Variants in CREB5 observed in about 807,000 individuals in gnomAD.
CREB5 encodes cAMP responsive element binding protein 5, also known as cyclic AMP-responsive element-binding protein 5.
In CREB5, 19 loss-of-function variants were observed where a neutral mutation model predicts 57.1. That is an observed-to-expected ratio of 0.33 (90% confidence interval 0.23 to 0.49). The LOEUF (loss-of-function observed/expected upper bound fraction) is 0.49, where lower values mean the gene tolerates loss of function less well. Among genes scored for constraint, CREB5 ranks in the 20% least tolerant of loss-of-function variants. The pLI, the probability that CREB5 is intolerant of heterozygous loss-of-function variation, is 0.99. For synonymous variants in CREB5, 238 were observed against 238.3 expected (o/e 1.00, Z 0.01); for missense variants, 579 against 671.6 (o/e 0.86, Z 1.52).
At chr7:28,753,035 CAT>C (rs1466398767) in intron 7 of CREB5, among the ~76,000 whole-genome samples, 1 of 152,054 alleles carries the variant, frequency 6.6e-6, no homozygotes, top group Non-Finnish European at 1.5e-5. Context: ...ATGCCATACA[CAT>C]GATTCCACTT....
Position 28,804,147 on chromosome 7 carries a change from T to G in CREB5, c.703-52T>G, listed in dbSNP as rs1044049026. On this transcript the variant is annotated intron_variant, in intron 7 of 10. Coordinates refer to ENST00000357727, the MANE Select transcript of CREB5 (RefSeq NM_182898.4). The stretch of plus-strand genomic sequence containing the variant: ...TCATTTTGCTTTTAAATCTCTATCA[T>G]GTACATGACTGACTTCAGTTGTTCT... 3 of 1,544,160 alleles carry G rather than the reference T, an allele frequency of 1.9e-6. No individual in the cohort carries two copies. The East Asian group carries it at 6.8e-5, about 35-fold the overall frequency.
intron 7 of CREB5, among the ~76,000 whole-genome samples, chr7:28,765,446 AGTT>A (rs1233895326): frequency 1.3e-5 from 2 of 152,208 alleles, no homozygotes; most frequent in Non-Finnish European, 2.9e-5. Flanking sequence ...TGAAATATTT[AGTT>A]GTTGTTCTTT....
intron 4 of CREB5, among the ~76,000 whole-genome samples, chr7:28,562,091 A>G (rs1297321013): frequency 2.0e-5 from 3 of 152,222 alleles, no homozygotes; most frequent in African/African-American, 7.2e-5. Flanking sequence ...AATGTCCAAG[A>G]TTTTGGTGGA....
intron 5 of CREB5, among the ~76,000 whole-genome samples, chr7:28,642,965 C>CACACAT (rs70977063): frequency 5.3e-5 from 4 of 75,588 alleles, no homozygotes; most frequent in Non-Finnish European, 8.1e-5. Flanking sequence ...CACACACACA[C>CACACAT]ACACACACAC....
chr7:28,556,641 T>C (rs933688583), intron 4 of CREB5, among the ~76,000 whole-genome samples: 3 of 152,218 alleles, frequency 2.0e-5, no homozygotes, highest in Non-Finnish European at 2.9e-5. Context: ...TAACCTAAGT[T>C]TGATGAACAC....
Position 28,549,159 on chromosome 7 carries a change from G to A in CREB5, c.292-21206G>A, listed in dbSNP as rs1334222001. Among the ~76,000 whole-genome samples, 5 of 152,260 alleles carry A rather than the reference G, an allele frequency of 3.3e-5. No individual in the cohort carries two copies. In the East Asian group the frequency reaches 7.7e-4, roughly 23 times the overall value. On this transcript the variant is annotated intron_variant, in intron 4 of 10. Transcript: ENST00000357727. ...CATTCCACATTTATTTTTGCATGAT[G>A]TTGGCTTTTAACAGCAATTGCCAAA...
chr7:28,330,719 T>A (rs1785700409), intron 1 of CREB5, among the ~76,000 whole-genome samples: 1 of 152,124 alleles, frequency 6.6e-6, no homozygotes. Context: ...TTCTTGTATT[T>A]TCCTTCGTGG....
intron 5 of CREB5, among the ~76,000 whole-genome samples, chr7:28,620,161 C>T (rs950004326): frequency 3.3e-5 from 5 of 152,058 alleles, no homozygotes; most frequent in East Asian, 1.9e-4. Context: ...TTTTTGCAGT[C>T]GTCTCATAGA....
intron 1 of CREB5, among the ~76,000 whole-genome samples, chr7:28,480,392 A>T (rs1583516593): frequency 6.6e-6 from 1 of 152,154 alleles, no homozygotes; most frequent in South Asian, 2.1e-4. Flanking sequence ...TTCTCTCAGG[A>T]GTTCATGGGG....
chr7:28,682,567 A>G (rs951378115), intron 5 of CREB5, among the ~76,000 whole-genome samples: 1 of 152,210 alleles, frequency 6.6e-6, no homozygotes, highest in Admixed American at 6.5e-5. Flanking sequence ...CTCTGAAATT[A>G]TCTGGCCCCT....
At chr7:28,567,754 G>A (rs867985861) in intron 4 of CREB5, among the ~76,000 whole-genome samples, 4 of 152,312 alleles carry the variant, frequency 2.6e-5, no homozygotes, top group Middle Eastern at 3.4e-3. Flanking sequence ...CTGGAATGCA[G>A]CATGGTTAGT....
At chr7:28,399,803 C>G (rs1489802434) in intron 1 of CREB5, among the ~76,000 whole-genome samples, 1 of 152,126 alleles carries the variant, frequency 6.6e-6, no homozygotes, top group Non-Finnish European at 1.5e-5. Context: ...CGCCTGTAAT[C>G]CCAGCACTTT....
chr7:28,502,767 T>C (rs1270481402), intron 3 of CREB5, among the ~76,000 whole-genome samples: 1 of 152,256 alleles, frequency 6.6e-6, no homozygotes, highest in Non-Finnish European at 1.5e-5. Context: ...AGGAAGTTAA[T>C]ATTATTTTCT....
At chr7:28,731,697 T>C (rs1803643991) in intron 7 of CREB5, among the ~76,000 whole-genome samples, 1 of 152,184 alleles carries the variant, frequency 6.6e-6, no homozygotes, top group Non-Finnish European at 1.5e-5. Flanking sequence ...GCTGTGAGAG[T>C]GACCTTTCTA....
chr7:28,790,502 GAAAGAAAAAT>G (rs1199528202), intron 7 of CREB5, among the ~76,000 whole-genome samples: 9 of 151,632 alleles, frequency 5.9e-5, no homozygotes, highest in African/African-American at 1.2e-4. Context: ...GAAGGAAAAA[GAAAGAAAAAT>G]AAAGAAAGAA....
intron 5 of CREB5, among the ~76,000 whole-genome samples, chr7:28,657,599 C>A (rs1562553590): frequency 6.6e-6 from 1 of 151,170 alleles, no homozygotes; most frequent in East Asian, 2.0e-4. Flanking sequence ...TGCCTGCAGA[C>A]CTGGCTACTT....
At chr7:28,498,376 A>G (rs1432114675) in intron 3 of CREB5, among the ~76,000 whole-genome samples, 1 of 152,258 alleles carries the variant, frequency 6.6e-6, no homozygotes, top group African/African-American at 2.4e-5. Flanking sequence ...AGATATTTGT[A>G]TGACAAACTT....
At chr7:28,408,411 G>A (rs1331843706), upstream of CREB5, among the ~76,000 whole-genome samples, 3 of 152,228 alleles carry the variant, frequency 2.0e-5, no homozygotes, top group Non-Finnish European at 4.4e-5. Flanking sequence ...AAATTCAGCA[G>A]GGGGATGGTG....
At chr7:28,538,037 G>GTTGTTA in intron 4 of CREB5, among the ~76,000 whole-genome samples, 1 of 135,360 alleles carries the variant, frequency 7.4e-6, no homozygotes, top group East Asian at 2.8e-4. Flanking sequence ...TGTTGTTGTT[G>GTTGTTA]TTGTTATCGT....
Sources: allele counts gnomAD v4.1 joint callset (sites outside exome capture counted in the v4.1 genomes callset), GRCh38; gene constraint gnomAD v4.1.1; transcripts MANE v1.5; gene names NCBI Gene and HGNC (gene_info 2026-07-23, HGNC 2026-07-21).